The following RBFOX1 variants were observed in gnomAD, a reference collection of about 807,000 sequenced individuals.
RBFOX1 encodes the protein RNA binding protein fox-1 homolog 1.
In RBFOX1, 8 loss-of-function variants were observed where a neutral mutation model predicts 57.7. The observed-to-expected ratio is 0.14, with a 90% CI of 0.08 to 0.25. RBFOX1 has a LOEUF of 0.25. Ranked by LOEUF, RBFOX1 falls within the 10% of genes least tolerant of loss-of-function variation. The pLI is 1.00. For missense variants in RBFOX1, 611 were observed against 548.5 expected (o/e 1.11, Z -1.14); for synonymous variants, 326 against 222.4 (o/e 1.47, Z -4.15).
chr16:5,611,793 T>TCCCCCCCCCCCCCCC (rs2047818147), intron 3 of RBFOX1, among the ~76,000 whole-genome samples: 3 of 35,164 alleles, frequency 8.5e-5, no homozygotes, highest in Non-Finnish European at 1.8e-4. Context: ...CATCCATCCA[T>TCCCCCCCCCCCCCCC]CCACCCACCC....
At chr16:7,375,868 A>G (rs1257413923) in intron 4 of RBFOX1, among the ~76,000 whole-genome samples, 1 of 152,182 alleles carries the variant, frequency 6.6e-6, no homozygotes, top group Non-Finnish European at 1.5e-5. Flanking sequence ...GGGAAAAGTA[A>G]TCTTTGATAT....
chr16:5,366,693 A>G, intron 1 of RBFOX1: 1 of 412,584 alleles, frequency 2.4e-6, no homozygotes, highest in South Asian at 2.1e-5. Flanking sequence ...CTCTTTAAGA[A>G]AATCATTTAA....
chr16:6,662,652 TA>T (rs113270949), intron 3 of RBFOX1, among the ~76,000 whole-genome samples: 21 of 147,126 alleles, frequency 1.4e-4, no homozygotes, highest in African/African-American at 2.0e-4. Flanking sequence ...GGTGGTTGGT[TA>T]AAAAAAAAAG....
chr16:6,667,843 C>T (rs193115571), intron 3 of RBFOX1, among the ~76,000 whole-genome samples: 12 of 151,928 alleles, frequency 7.9e-5, no homozygotes, highest in Admixed American at 2.0e-4. Flanking sequence ...GACCTATAGT[C>T]GTACCACCAC....
At chr16:5,265,008 G>A (rs1017410718) in intron 1 of RBFOX1, among the ~76,000 whole-genome samples, 1 of 151,814 alleles carries the variant, frequency 6.6e-6, no homozygotes, top group Non-Finnish European at 1.5e-5. Context: ...TTCTCTGTGT[G>A]TGTGTGTGTG....
intron 2 of RBFOX1, among the ~76,000 whole-genome samples, chr16:6,566,580 A>G (rs2097269687): frequency 6.6e-6 from 1 of 152,172 alleles, no homozygotes. Flanking sequence ...GTTTGCCGAA[A>G]TACTGCTTTA....
chr16:5,936,756 A>AGC (rs888709398), intron 4 of RBFOX1, among the ~76,000 whole-genome samples: 1 of 152,182 alleles, frequency 6.6e-6, no homozygotes, highest in African/African-American at 2.4e-5. Context: ...TGGAGAAAAG[A>AGC]GCTGAGTTTC....
intron 4 of RBFOX1, among the ~76,000 whole-genome samples, chr16:7,490,607 G>A (rs1343426941): frequency 1.3e-5 from 2 of 152,114 alleles, no homozygotes; most frequent in Non-Finnish European, 2.9e-5. Context: ...CATTAACTTG[G>A]GTTAGCAAAT....
intron 3 of RBFOX1, among the ~76,000 whole-genome samples, chr16:6,959,565 A>G (rs2082535147): frequency 1.3e-5 from 2 of 152,040 alleles, no homozygotes; most frequent in African/African-American, 4.8e-5. Flanking sequence ...GTCTGTGGCA[A>G]AGCAGGTCTC....
intron 1 of RBFOX1, among the ~76,000 whole-genome samples, chr16:5,258,585 G>A (rs1303743959): frequency 6.6e-6 from 1 of 152,140 alleles, no homozygotes; most frequent in Non-Finnish European, 1.5e-5. Flanking sequence ...TTCCATATTA[G>A]CCCTGATGTC....
chr16:7,293,776 C>T lies in RBFOX1; in HGVS notation c.28-224371C>T, dbSNP rs564212727. On this transcript the variant is annotated intron_variant, in intron 4 of 15. Coordinates refer to ENST00000550418, the MANE Select transcript of RBFOX1 (RefSeq NM_018723.4). ...TAAGTTTTGCAGATAAACCTAGTTT[C>T]GTATGATTCCTTACATCGTTCCTAG... Among the ~76,000 whole-genome samples, 373 of 152,182 alleles carry T rather than the reference C, an allele frequency of 2.5e-3. 4 individuals carry two copies. The highest frequency in any genetic ancestry group is 3.4e-3 in the Non-Finnish European group (234 of 68,006).
intron 14 of RBFOX1, among the ~76,000 whole-genome samples, chr16:7,691,919 T>TTTAC (rs1369942289): frequency 2.0e-5 from 3 of 152,142 alleles, no homozygotes; most frequent in East Asian, 1.9e-4. Flanking sequence ...ATTCTGTAAA[T>TTTAC]AGAGGTTATT....
chr16:7,287,692 C>T (rs775346081), intron 4 of RBFOX1, among the ~76,000 whole-genome samples: 7 of 152,164 alleles, frequency 4.6e-5, no homozygotes, highest in African/African-American at 1.4e-4. Context: ...CTCTCAACAC[C>T]ACATTTGGGT....
chr16:7,135,030 C>T (rs1453075072), intron 4 of RBFOX1, among the ~76,000 whole-genome samples: 4 of 151,330 alleles, frequency 2.6e-5, no homozygotes, highest in Admixed American at 6.6e-5. Context: ...AGATATCATT[C>T]TGAGAAAAAT....
At chr16:5,924,509 T>G (rs2058901231) in intron 4 of RBFOX1, among the ~76,000 whole-genome samples, 1 of 152,126 alleles carries the variant, frequency 6.6e-6, no homozygotes, top group Non-Finnish European at 1.5e-5. Context: ...GCCTGGCACC[T>G]TCTCCCTCTC....
chr16:6,492,818 G>A (rs1253777483), intron 2 of RBFOX1, among the ~76,000 whole-genome samples: 1 of 152,152 alleles, frequency 6.6e-6, no homozygotes, highest in African/African-American at 2.4e-5. Context: ...TTATGAGTGA[G>A]GAAGAGCCCA....
chr16:7,341,469 AG>A (rs1427493247), intron 4 of RBFOX1, among the ~76,000 whole-genome samples: 2 of 152,124 alleles, frequency 1.3e-5, no homozygotes, highest in Non-Finnish European at 2.9e-5. Flanking sequence ...GAGGTTGCGT[AG>A]GGGGGCCATG....
chr16:5,696,949 C>G, intron 3 of RBFOX1, among the ~76,000 whole-genome samples: 1 of 152,100 alleles, frequency 6.6e-6, no homozygotes, highest in Non-Finnish European at 1.5e-5. Flanking sequence ...GTCTCATTCT[C>G]TTGCCCAGGC....
chr16:7,132,748 A>G (rs1257580202), intron 4 of RBFOX1, among the ~76,000 whole-genome samples: 1 of 152,218 alleles, frequency 6.6e-6, no homozygotes, highest in Non-Finnish European at 1.5e-5. Context: ...CAAATACTGC[A>G]TGATTTCACT....
Sources: allele counts gnomAD v4.1 joint callset (sites outside exome capture counted in the v4.1 genomes callset), GRCh38; gene constraint gnomAD v4.1.1; transcripts MANE v1.5; gene names NCBI Gene and HGNC (gene_info 2026-07-23, HGNC 2026-07-21).